The following WDR26 variants were observed in gnomAD, a reference collection of about 807,000 sequenced individuals.
The protein encoded by WDR26 is WD repeat-containing protein 26.
A neutral mutation model predicts 84.1 loss-of-function variants in WDR26; 5 were observed. The ratio of observed to expected loss-of-function variants is 0.06; its 90% CI spans 0.03 to 0.13. WDR26 has a LOEUF of 0.13. Among genes scored for constraint, WDR26 ranks in the 10% least tolerant of loss-of-function variants. WDR26 has a pLI of 1.00. For missense variants in WDR26, 642 were observed against 974.9 expected (o/e 0.66, Z 4.55); for synonymous variants, 415 against 389.6 (o/e 1.07, Z -0.77).
At chr1:224,403,129 A>G (rs550582533) in intron 8 of WDR26, among the ~76,000 whole-genome samples, 3 of 151,632 alleles carry the variant, frequency 2.0e-5, no homozygotes, top group Non-Finnish European at 4.4e-5. Context: ...CAGTGGCACG[A>G]TCCCAGCCTG....
At chr1:224,416,669 C>T (rs1673913175) in intron 6 of WDR26, among the ~76,000 whole-genome samples, 1 of 152,168 alleles carries the variant, frequency 6.6e-6, no homozygotes, top group Non-Finnish European at 1.5e-5. Flanking sequence ...CCATAGATTC[C>T]AGTTTCCAAA....
intron 4 of WDR26, among the ~76,000 whole-genome samples, chr1:224,423,227 T>C (rs886700799): frequency 1.3e-5 from 2 of 152,356 alleles, no homozygotes; most frequent in Middle Eastern, 3.4e-3. Context: ...TTCAATCTTT[T>C]ATTCCTTTTT....
intron 13 of WDR26, among the ~76,000 whole-genome samples, chr1:224,391,222 C>T (rs939848364): frequency 6.6e-5 from 10 of 151,454 alleles, no homozygotes; most frequent in South Asian, 6.3e-4. Flanking sequence ...CAAAATTAGC[C>T]GGGCGTGGTG....
intron 7 of WDR26, among the ~76,000 whole-genome samples, chr1:224,406,785 A>G (rs1160775758): frequency 6.6e-6 from 1 of 150,616 alleles, no homozygotes; most frequent in Non-Finnish European, 1.5e-5. Context: ...GCCCCAGATC[A>G]ACACAAAGAT....
At chr1:224,401,301 A>G (rs970917132) in intron 8 of WDR26, among the ~76,000 whole-genome samples, 1 of 152,204 alleles carries the variant, frequency 6.6e-6, no homozygotes, top group African/African-American at 2.4e-5. Flanking sequence ...CAAAGAGTAG[A>G]TATGATGAGA....
At chr1:224,398,631 A>T in intron 10 of WDR26, 38 bp from the exon 11 acceptor site, 2 of 1,527,124 alleles carry the variant, frequency 1.3e-6, no homozygotes, top group Non-Finnish European at 1.8e-6. Flanking sequence ...ACAACATATT[A>T]ACAGTCAAGA....
At position 224,419,554 on chromosome 1, in the gene WDR26, T is replaced by C; in HGVS notation, c.1126A>G (p.Thr376Ala). ...TCCAATAGTTTAGATCGGGAAGCTG[T>C]CCCTTTGCCTTCCCATTCTGCTTTT... is the stretch of plus-strand genomic sequence containing the variant. The change falls in exon 5 of 14, where the codon ACA (threonine) becomes GCA (alanine). Residue 376 changes from threonine (T) to alanine (A), a missense_variant. This residue lies in a region of WDR26 where 351 missense variants were observed against 672.8 expected (regional missense o/e 0.52). Transcript: ENST00000414423. 5 of 1,614,042 alleles carry C rather than the reference T, an allele frequency of 3.1e-6. No individual in the cohort carries two copies. Among genetic ancestry groups the C allele is most frequent in the Non-Finnish European group, 4.2e-6 (5 of 1,179,914 alleles).
At chr1:224,405,622 C>A (rs1346268210) in intron 7 of WDR26, among the ~76,000 whole-genome samples, 1 of 152,180 alleles carries the variant, frequency 6.6e-6, no homozygotes, top group African/African-American at 2.4e-5. Context: ...TAGAATATTA[C>A]CCCCTCTCAT....
chr1:224,387,053 C>G lies in WDR26; in HGVS notation c.*2782G>C, dbSNP rs1250211794. The G allele has an allele frequency of 6.6e-6, 1 of 152,550 alleles. No homozygotes were observed. The highest frequency in any genetic ancestry group is 2.4e-5 in the African/African-American group (1 of 41,428). The allele number at this position is 152,550 out of a possible 1,614,324, so 9.4% of individuals were successfully genotyped here. A position where few individuals can be genotyped will look rare whatever the true frequency, so the allele number is the denominator to read the frequency against. ...CTAGCCCTTAATCAATGCATAACAA[C>G]AAAAACATTTTTAAGCACATGGAAA... On this transcript the variant is annotated 3_prime_UTR_variant, in exon 14 of 14. Transcript: ENST00000414423.
intron 9 of WDR26, among the ~76,000 whole-genome samples, chr1:224,399,390 G>A (rs1673349301): frequency 6.6e-6 from 1 of 152,068 alleles, no homozygotes; most frequent in South Asian, 2.1e-4. Flanking sequence ...CACTATACTG[G>A]AATTTGTCCT....
chr1:224,431,890 T>C (rs1674401898), intron 1 of WDR26, 109 bp from the exon 2 acceptor site: 1 of 824,896 alleles, frequency 1.2e-6, no homozygotes, highest in South Asian at 3.5e-5. Flanking sequence ...GCTAGCCTCA[T>C]GATGAAGAAA....
chr1:224,408,522 A>C (rs1327945589), intron 7 of WDR26, among the ~76,000 whole-genome samples: 1 of 152,222 alleles, frequency 6.6e-6, no homozygotes, highest in Non-Finnish European at 1.5e-5. Context: ...TATCATGCAA[A>C]TAAATGACTG....
At chr1:224,391,004 T>C (rs1673108022) in intron 13 of WDR26, among the ~76,000 whole-genome samples, 1 of 152,104 alleles carries the variant, frequency 6.6e-6, no homozygotes, top group Non-Finnish European at 1.5e-5. Flanking sequence ...TCCTGCTTCT[T>C]TCACTTAGCA....
At position 224,434,143 on chromosome 1, in the gene WDR26, TG is replaced by T; in HGVS notation, c.262del (p.His88ThrfsTer87). 1 of 1,415,192 alleles carries T rather than the reference TG, an allele frequency of 7.1e-7. No individual in the cohort carries two copies. Among genetic ancestry groups the T allele is most frequent in the Non-Finnish European group, 9.2e-7 (1 of 1,088,062 alleles). The allele number at this position is 1,415,192 out of a possible 1,614,324, so 87.7% of individuals were successfully genotyped here. On this transcript the variant is annotated frameshift_variant, in exon 1 of 14. Transcript: ENST00000414423. LOFTEE classifies it high-confidence loss of function. ...GACCAGGCTGTGGCCGCTACTTCGG[TG>T]GGGGACAGCAGCGGCGGCGGGAGGG...
In WDR26 at chr1:224,427,103, C is replaced by CAAAAAAAAAAAAA. The variant is rs769063024; in HGVS notation, c.928-2450_928-2449insTTTTTTTTTTTTT. Among the ~76,000 whole-genome samples, 37 of 91,164 alleles carry CAAAAAAAAAAAAA rather than the reference C, an allele frequency of 4.1e-4. 6 individuals carry two copies. The highest frequency in any genetic ancestry group is 1.2e-3 in the African/African-American group (27 of 23,148). The allele number at this position is 91,164 out of a possible 152,430, so 59.8% of individuals were successfully genotyped here. A position where few individuals can be genotyped will look rare whatever the true frequency, so the allele number is the denominator to read the frequency against. On this transcript the variant is annotated intron_variant, in intron 3 of 13. Coordinates refer to ENST00000414423, the MANE Select transcript of WDR26 (RefSeq NM_001379403.1). ...GGGCAACGAGAGCAAAACTCTGTCT[C>CAAAAAAAAAAAAA]CAAAAAAAAAAAAAAAAAAAAAAAG... is the stretch of plus-strand genomic sequence containing the variant.
rs1371378910 is a variant in WDR26, at chr1:224,385,908, T to C, written c.*3927A>G. On this transcript the variant is annotated 3_prime_UTR_variant, in exon 14 of 14. Transcript: ENST00000414423. ...ATGTGCACGAGACTTTCAGTAAAAA[T>C]GACAAGATCCTAGAACAGCTGTTTC... 1 of 152,142 alleles carries C rather than the reference T, an allele frequency of 6.6e-6. No homozygotes were observed. Among genetic ancestry groups the C allele is most frequent in the Non-Finnish European group, 1.5e-5 (1 of 67,980 alleles). The allele number at this position is 152,142 out of a possible 1,614,324, so 9.4% of individuals were successfully genotyped here.
chr1:224,413,206 A>AT, intron 6 of WDR26: 4 of 786,258 alleles, frequency 5.1e-6, no homozygotes, highest in South Asian at 2.8e-5. Context: ...CAACAACAAA[A>AT]ACCCCCCCCC....
chr1:224,423,755 T>A (rs1304927422), intron 4 of WDR26, among the ~76,000 whole-genome samples: 1 of 152,000 alleles, frequency 6.6e-6, no homozygotes, highest in Non-Finnish European at 1.5e-5. Flanking sequence ...AACATCCAAG[T>A]GGAGAATGTC....
chr1:224,426,153 C>T (rs576907109), intron 3 of WDR26, among the ~76,000 whole-genome samples: 11 of 152,062 alleles, frequency 7.2e-5, no homozygotes, highest in East Asian at 3.9e-4. Flanking sequence ...ACACCGCACC[C>T]GGCCCAAAAT....
Sources: allele counts gnomAD v4.1 joint callset (sites outside exome capture counted in the v4.1 genomes callset), GRCh38; gene constraint gnomAD v4.1.1; regional missense constraint gnomAD v4.1.1; transcripts MANE v1.5; gene names NCBI Gene and HGNC (gene_info 2026-07-23, HGNC 2026-07-21).